ATE1: variants seen among roughly 807,000 people sequenced by gnomAD.
ATE1 encodes the protein arginyl-tRNA--protein transferase 1.
In ATE1, 36 loss-of-function variants were observed where a neutral mutation model predicts 70.5. That is an observed-to-expected ratio of 0.51 (90% CI 0.39 to 0.67). The LOEUF (loss-of-function observed/expected upper bound fraction) is 0.67. ATE1 is among the 30% of genes least tolerant of loss of function. The pLI, the probability that ATE1 is intolerant of heterozygous loss-of-function variation, is 0.00. For synonymous variants in ATE1, 232 were observed against 219.3 expected, an observed-to-expected ratio of 1.06 and a Z score of -0.51; for missense variants, 593 against 629.5, an observed-to-expected ratio of 0.94 and a Z score of 0.62.
chr10:121,889,103 T>C (rs935555598), intron 7 of ATE1, among the ~76,000 whole-genome samples: 1 of 152,164 alleles, frequency 6.6e-6, no homozygotes, highest in East Asian at 1.9e-4. Flanking sequence ...AACCTCTGCG[T>C]CCTGGGTTTA....
At chr10:121,851,294 C>T (rs1247137106) in intron 8 of ATE1, among the ~76,000 whole-genome samples, 1 of 151,816 alleles carries the variant, frequency 6.6e-6, no homozygotes, top group Non-Finnish European at 1.5e-5. Flanking sequence ...GTGGCACATG[C>T]CTGTACTCCC....
chr10:121,915,532 G>A (rs1358650092), intron 3 of ATE1, among the ~76,000 whole-genome samples: 1 of 152,168 alleles, frequency 6.6e-6, no homozygotes, highest in Non-Finnish European at 1.5e-5. Flanking sequence ...CAGTTTGTCT[G>A]TGATGGATAA....
intron 10 of ATE1, among the ~76,000 whole-genome samples, chr10:121,801,847 A>G (rs568346528): frequency 1.3e-5 from 2 of 152,136 alleles, no homozygotes; most frequent in South Asian, 4.2e-4. Flanking sequence ...GCTAGAGAGA[A>G]CTGATCATGT....
chr10:121,911,063 T>G lies in ATE1; in HGVS notation c.426A>C (p.Thr142=), dbSNP rs1267600428. 1 of 1,613,408 alleles carries G rather than the reference T, an allele frequency of 6.2e-7. No individual in the cohort carries two copies. The change falls in exon 5 of 12, where the codon ACA becomes ACC. Residue 142 remains threonine (T), a synonymous_variant. Coordinates refer to ENST00000224652, the MANE Select transcript of ATE1 (RefSeq NM_001001976.3). ...NKLDIQCDLK[T]LSDDIKESLE... is the part of the protein sequence containing the mutation. ...AACTCTCTTTGATGTCATCACTGAG[T>G]GTTTTAAGATCACACTGTATATCCA...
At chr10:121,845,591 C>T (rs1234568290) in intron 8 of ATE1, among the ~76,000 whole-genome samples, 1 of 152,188 alleles carries the variant, frequency 6.6e-6, no homozygotes, top group Non-Finnish European at 1.5e-5. Flanking sequence ...AGGAACTCTG[C>T]ACCTAAGCAC....
intron 10 of ATE1, among the ~76,000 whole-genome samples, chr10:121,808,209 A>T (rs557252892): frequency 6.6e-6 from 1 of 152,356 alleles, no homozygotes; most frequent in African/African-American, 2.4e-5. Flanking sequence ...TAAATATATA[A>T]AACAGCCATG....
intron 10 of ATE1, among the ~76,000 whole-genome samples, chr10:121,807,173 G>A (rs563294429): frequency 2.6e-5 from 4 of 152,246 alleles, no homozygotes; most frequent in South Asian, 2.1e-4. Flanking sequence ...AAGATATCAC[G>A]CAGGTGACAA....
intron 10 of ATE1, among the ~76,000 whole-genome samples, chr10:121,792,466 G>A (rs1314731484): frequency 6.6e-6 from 1 of 152,178 alleles, no homozygotes; most frequent in Non-Finnish European, 1.5e-5. Context: ...TCACTGCACT[G>A]TTGCTGGTTC....
rs150778064 is a variant in ATE1, at chr10:121,769,088, G to A, written c.1378+21081C>T. 2.9e-3 allele frequency among the ~76,000 whole-genome samples: 445 copies of A among 152,116 alleles called. 1 individual carries two copies. Among genetic ancestry groups the A allele is most frequent in the African/African-American group, 0.01 (420 of 41,490 alleles). ...GGAAAGGCAAAAGAGCTACAATAAC[G>A]AAAATAATTCTGACAAAGACTAATG... On this transcript the variant is annotated intron_variant, in intron 11 of 11. Transcript: ENST00000224652.
intron 10 of ATE1, among the ~76,000 whole-genome samples, chr10:121,802,036 G>A (rs754826346): frequency 3.3e-5 from 5 of 151,998 alleles, no homozygotes; most frequent in African/African-American, 4.8e-5. Flanking sequence ...AAATGAGTCT[G>A]GATATTACAA....
At chr10:121,824,663 G>A (rs1947934743) in intron 10 of ATE1, among the ~76,000 whole-genome samples, 1 of 152,106 alleles carries the variant, frequency 6.6e-6, no homozygotes, top group Non-Finnish European at 1.5e-5. Context: ...GCCACATCAT[G>A]ATACCAAACA....
chr10:121,765,666 C>G (rs757569102), intron 11 of ATE1, among the ~76,000 whole-genome samples: 4 of 152,210 alleles, frequency 2.6e-5, no homozygotes, highest in Non-Finnish European at 4.4e-5. Flanking sequence ...AACTCCCAAA[C>G]TGCCACATTC....
chr10:121,878,487 G>T (rs1253589936), intron 7 of ATE1, among the ~76,000 whole-genome samples: 1 of 151,764 alleles, frequency 6.6e-6, no homozygotes, highest in African/African-American at 2.4e-5. Context: ...CAGCTTCTTG[G>T]GAGGCTGAAG....
At chr10:121,895,076 C>T (rs1950726295) in intron 7 of ATE1, among the ~76,000 whole-genome samples, 1 of 152,042 alleles carries the variant, frequency 6.6e-6, no homozygotes, top group Admixed American at 6.6e-5. Context: ...AAAAAAGAGA[C>T]ACAAGTGTTG....
chr10:121,761,133 T>C (rs1208242930), intron 11 of ATE1, among the ~76,000 whole-genome samples: 2 of 152,218 alleles, frequency 1.3e-5, no homozygotes, highest in Non-Finnish European at 2.9e-5. Flanking sequence ...GCACATGCCA[T>C]GGCTCTGCTC....
intron 8 of ATE1, among the ~76,000 whole-genome samples, chr10:121,868,619 C>A (rs552900222): frequency 6.6e-6 from 1 of 152,134 alleles, no homozygotes; most frequent in Non-Finnish European, 1.5e-5. Context: ...ATTTTAATAT[C>A]CCTGTAAGTA....
chr10:121,821,037 G>A (rs1435484482), intron 10 of ATE1, among the ~76,000 whole-genome samples: 1 of 152,184 alleles, frequency 6.6e-6, no homozygotes, highest in African/African-American at 2.4e-5. Flanking sequence ...CACCTCCCAG[G>A]TTCACGCCAT....
intron 8 of ATE1, among the ~76,000 whole-genome samples, chr10:121,862,047 G>C (rs1190126342): frequency 1.3e-5 from 2 of 152,158 alleles, no homozygotes; most frequent in African/African-American, 2.4e-5. Context: ...CCAGGCCTTA[G>C]AACAGAGAGC....
Position 121,786,202 on chromosome 10 carries a change from GTTTTTTTTTTTTTTTTTT to G in ATE1, c.1378+3949_1378+3966del, listed in dbSNP as rs66781912. Among the ~76,000 whole-genome samples, 4 of 84,496 alleles carry G rather than the reference GTTTTTTTTTTTTTTTTTT, an allele frequency of 4.7e-5. No homozygotes were observed. In the East Asian group the frequency reaches 1.4e-3, roughly 30 times the overall value. The allele number at this position is 84,496 out of a possible 152,430, so 55.4% of individuals were successfully genotyped here. ...TGGGAAACAGCACATGCTCAAGAAA[GTTTTTTTTTTTTTTTTTT>G]TTTTTTTTTTTTGTAAATCTGGAAC... On this transcript the variant is annotated intron_variant, in intron 11 of 11. Transcript: ENST00000224652.
Sources: gnomAD v4.1 joint callset for allele counts (sites outside exome capture counted in the v4.1 genomes callset) on GRCh38, gnomAD v4.1.1 for gene constraint, MANE v1.5 for transcripts, NCBI Gene and HGNC (gene_info 2026-07-23, HGNC 2026-07-21) for gene names.